Variants in DNAH6 observed in about 807,000 individuals in gnomAD.
DNAH6 encodes the protein axonemal beta dynein heavy chain 6.
A neutral mutation model predicts 491.4 loss-of-function variants in DNAH6; 340 were observed. The ratio of observed to expected loss-of-function variants is 0.69; its 90% CI spans 0.63 to 0.76. The LOEUF is 0.76. DNAH6 is among the 30% of genes least tolerant of loss of function. DNAH6 has a pLI of 0.00. For synonymous variants in DNAH6, 1,603 were observed against 1,686.1 expected (o/e 0.95, Z 1.21); for missense variants, 4,443 against 4,972.2 (o/e 0.89, Z 3.20).
chr2:84,578,420 A>G (rs181141242), intron 13 of DNAH6, among the ~76,000 whole-genome samples: 2 of 152,328 alleles, frequency 1.3e-5, no homozygotes, highest in Non-Finnish European at 2.9e-5. Context: ...GGCTTAAGCA[A>G]TCAGGAGAGT....
the DNAH6 span, among the ~76,000 whole-genome samples, chr2:84,488,940 G>A: frequency 6.6e-6 from 1 of 152,166 alleles, no homozygotes; most frequent in East Asian, 1.9e-4. Flanking sequence ...GAGTGGCAGG[G>A]AGCACAGATA....
chr2:84,675,260 C>T (rs1007622198), intron 40 of DNAH6, among the ~76,000 whole-genome samples: 1 of 151,978 alleles, frequency 6.6e-6, no homozygotes, highest in African/African-American at 2.4e-5. Context: ...AGCTCCTGAC[C>T]TCCATCTCCC....
rs1410241157 is a variant in DNAH6, at chr2:84,543,455, G to T, written c.663-778G>T. ...ATTCCTAAATATATTTCAATAAGGTGCTATATCATATTTCACACTTGTTCT... is the reference window on the plus strand; with the variant it reads ...ATTCCTAAATATATTTCAATAAGGTTCTATATCATATTTCACACTTGTTCT... On this transcript the variant is annotated intron_variant, in intron 4 of 76. Transcript: ENST00000389394. Among the ~76,000 whole-genome samples, 4 of 152,216 alleles carry T rather than the reference G, an allele frequency of 2.6e-5. No homozygotes were observed. In the East Asian group the frequency reaches 5.8e-4, roughly 22 times the overall value.
At chr2:84,701,699 G>T (rs1336474434) in intron 49 of DNAH6, among the ~76,000 whole-genome samples, 12 of 152,130 alleles carry the variant, frequency 7.9e-5, no homozygotes, top group Non-Finnish European at 1.3e-4. Flanking sequence ...GATCTCACAA[G>T]AACTCACTAT....
chr2:84,817,676 C>T (rs1680622745), intron 76 of DNAH6, among the ~76,000 whole-genome samples: 3 of 152,132 alleles, frequency 2.0e-5, no homozygotes, highest in African/African-American at 7.2e-5. Flanking sequence ...GGCTGAGTAA[C>T]TTTAAAGAAA....
Position 84,685,467 on chromosome 2 carries a change from T to C in DNAH6, c.7058T>C (p.Met2353Thr). 1 of 1,476,704 alleles carries C rather than the reference T, an allele frequency of 6.8e-7. No homozygotes were observed. Among genetic ancestry groups the C allele is most frequent in the Non-Finnish European group, 9.0e-7 (1 of 1,107,064 alleles). 91.5% of individuals were successfully genotyped at this position (1,476,704 alleles called of 1,614,324 possible). Residue 2353 changes from methionine (M) to threonine (T), a missense_variant, in exon 43 of 77, where the codon ATG becomes ACG. By Grantham distance (81) the Met-to-Thr change is moderately conservative. Coordinates refer to ENST00000389394, the MANE Select transcript of DNAH6 (RefSeq NM_001370.2). ...KHYFHVILTE[M>T]ANKHFGIAID... ...TATTTCCATGTTATTCTGACAGAAA[T>C]GGCCAGTAAATATGAATCTTTACCT...
chr2:84,706,626 A>G (rs554250097), intron 52 of DNAH6, among the ~76,000 whole-genome samples: 1 of 152,290 alleles, frequency 6.6e-6, no homozygotes, highest in South Asian at 2.1e-4. Context: ...ATCCATTATG[A>G]TACCTAATTC....
the DNAH6 span, among the ~76,000 whole-genome samples, chr2:84,482,245 A>C: frequency 1.4e-5 from 2 of 146,820 alleles, no homozygotes; most frequent in African/African-American, 5.5e-5. Flanking sequence ...GATATAAAAT[A>C]GAAAGAACAA....
chr2:84,681,415 G>A lies in DNAH6; in HGVS notation c.6803G>A (p.Ser2268Asn), dbSNP rs17025464. 6.8e-3 allele frequency: 10,578 copies of A among 1,551,472 alleles called. 659 individuals are homozygous for A. The African/African-American group carries it at 0.13, about 19-fold the overall frequency. Residue 2268 changes from serine (S) to asparagine (N), a missense_variant, in exon 42 of 77, where the codon AGC (serine) becomes AAC (asparagine). Around this residue, in one of 3 missense-constraint regions of DNAH6, gnomAD observed 2,977 missense variants for 3,296.6 expected, o/e 0.90. Transcript: ENST00000389394. ...CCAGCTGTAAAGCAAACTGCATCAA[G>A]CATTGTAGAAGCCTCAGTTGAGATT... The part of the protein sequence containing the change: ...FPPAVKQTAS[S>N]IVEASVEIYN...
chr2:84,528,791 C>A (rs1676853172), intron 3 of DNAH6, 113 bp from the exon 4 acceptor site: 1 of 1,059,096 alleles, frequency 9.4e-7, no homozygotes, highest in Non-Finnish European at 1.3e-6. Flanking sequence ...TGCCTTTGAG[C>A]CCTAGACATC....
intron 72 of DNAH6, 23 bp from the exon 73 acceptor site, chr2:84,812,318 C>T (rs1680067165): frequency 1.3e-6 from 2 of 1,546,994 alleles, no homozygotes; most frequent in Admixed American, 3.9e-5. Flanking sequence ...CAAAGGCCAC[C>T]AACCCCTTTT....
chr2:84,621,039 TA>T (rs1474115043), intron 24 of DNAH6, among the ~76,000 whole-genome samples, 151 bp from the exon 25 acceptor site: 1 of 152,066 alleles, frequency 6.6e-6, no homozygotes, highest in Non-Finnish European at 1.5e-5. Flanking sequence ...TGAAAGGAGA[TA>T]GATGCATAGT....
chr2:84,570,466 CTG>C (rs1681675298), intron 11 of DNAH6, among the ~76,000 whole-genome samples: 1 of 152,044 alleles, frequency 6.6e-6, no homozygotes, highest in East Asian at 1.9e-4. Context: ...AATCAGCACT[CTG>C]TAAAAACGCA....
At chr2:84,690,391 T>TCCCCCTGGCAGCATA (rs1251588721) in intron 45 of DNAH6, among the ~76,000 whole-genome samples, 1 of 152,168 alleles carries the variant, frequency 6.6e-6, no homozygotes, top group Non-Finnish European at 1.5e-5. Flanking sequence ...TTCCCCTCTG[T>TCCCCCTGGCAGCATA]CCCCCTGGCA....
intron 11 of DNAH6, among the ~76,000 whole-genome samples, chr2:84,560,142 A>G (rs1680493101): frequency 6.6e-6 from 1 of 152,146 alleles, no homozygotes; most frequent in Non-Finnish European, 1.5e-5. Context: ...TAGTTCAGGA[A>G]AAGAAAATTT....
Position 84,606,481 on chromosome 2 carries a change from G to A in DNAH6, c.3175-495G>A, listed in dbSNP as rs148573515. ...GCTGTTGTATAAAGGGGAGTAGTAG[G>A]GGAGGGAGGTGGAGGAGAAACTGTA... On this transcript the variant is annotated intron_variant, in intron 20 of 76. Transcript: ENST00000389394. 1.4e-4 allele frequency among the ~76,000 whole-genome samples: 21 copies of A among 152,256 alleles called. No homozygotes were observed. The East Asian group carries it at 3.9e-3, about 28-fold the overall frequency.
chr2:84,667,148 G>C (rs1001498645), intron 37 of DNAH6, among the ~76,000 whole-genome samples: 2 of 152,086 alleles, frequency 1.3e-5, no homozygotes, highest in African/African-American at 4.8e-5. Context: ...AAAAACCCTA[G>C]AAGAAAACCT....
chr2:84,668,421 T>C (rs1252320319), intron 37 of DNAH6, among the ~76,000 whole-genome samples: 1 of 152,208 alleles, frequency 6.6e-6, no homozygotes, highest in African/African-American at 2.4e-5. Flanking sequence ...AATATTGCTC[T>C]GTACAGCTGC....
intron 72 of DNAH6, among the ~76,000 whole-genome samples, chr2:84,811,583 G>A (rs1169156164): frequency 5.9e-5 from 9 of 152,152 alleles, no homozygotes; most frequent in South Asian, 2.1e-4. Context: ...CTTTCCAGCC[G>A]GGCACGGTGG....
Sources: gnomAD v4.1 joint callset for allele counts (sites outside exome capture counted in the v4.1 genomes callset) on GRCh38, gnomAD v4.1.1 for gene constraint, gnomAD v4.1.1 regional missense constraint, MANE v1.5 for transcripts, NCBI Gene and HGNC (gene_info 2026-07-23, HGNC 2026-07-21) for gene names.